Variants in OBI1 observed in about 807,000 individuals in gnomAD.
OBI1 encodes the protein ORC ubiquitin ligase 1.
OBI1 carries 59 observed loss-of-function variants against 62.4 expected under a neutral mutation model. The observed-to-expected ratio is 0.95, with a 90% CI of 0.77 to 1.17. The LOEUF (loss-of-function observed/expected upper bound fraction) is 1.17. Among genes scored for constraint, OBI1 ranks in the 50% most tolerant of loss-of-function variants. The pLI is 0.00. For synonymous variants in OBI1, 302 were observed against 292.8 expected (o/e 1.03, Z -0.32); for missense variants, 875 against 830.9 (o/e 1.05, Z -0.65).
At chr13:78,635,794 G>C (rs1593793621) in intron 4 of OBI1, among the ~76,000 whole-genome samples, 1 of 152,110 alleles carries the variant, frequency 6.6e-6, no homozygotes, top group South Asian at 2.1e-4. Context: ...AAAGAGTCTT[G>C]CTCAGTTGCC....
In OBI1 at chr13:78,630,585, G is replaced by A. The variant is rs146236595; in HGVS notation, c.638+4525C>T. ...AATATTTAAAGGTAAGGGCTTCTGG[G>A]GCCTATAGGTCAAAAGGTTCAAGCC... On this transcript the variant is annotated intron_variant, in intron 5 of 5. Transcript: ENST00000282003. Among the ~76,000 whole-genome samples the A allele has an allele frequency of 1.9e-3, 283 of 152,098 alleles. 1 individual carries two copies. The highest frequency in any genetic ancestry group is 3.4e-3 in the Non-Finnish European group (228 of 68,000).
At chr13:78,651,496 T>A (rs1310553231) in intron 1 of OBI1, among the ~76,000 whole-genome samples, 1 of 152,210 alleles carries the variant, frequency 6.6e-6, no homozygotes. Context: ...GGTCTACTTA[T>A]GTTCACCAAT....
chr13:78,615,350 C>G lies in OBI1; in HGVS notation c.*230G>C, dbSNP rs1032263577. 2 of 366,134 alleles carry G rather than the reference C, an allele frequency of 5.5e-6. No individual in the cohort carries two copies. Among genetic ancestry groups the G allele is most frequent in the Non-Finnish European group, 9.7e-6 (2 of 206,206 alleles). 22.7% of individuals were successfully genotyped at this position (366,134 alleles called of 1,614,324 possible). A position where few individuals can be genotyped will look rare whatever the true frequency, so the allele number is the denominator to read the frequency against. ...CCCCAAAACACAAAAATAACCTCCT[C>G]CCTAACTTCTCTGGTCACAAAGACT... On this transcript the variant is annotated 3_prime_UTR_variant, in exon 6 of 6. Coordinates refer to ENST00000282003, the MANE Select transcript of OBI1 (RefSeq NM_024546.4).
chr13:78,653,065 T>C (rs938846361), intron 1 of OBI1, among the ~76,000 whole-genome samples: 1 of 152,164 alleles, frequency 6.6e-6, no homozygotes, highest in Non-Finnish European at 1.5e-5. Context: ...TCCCCTTTCT[T>C]AAAAAAGCAA....
Position 78,635,998 on chromosome 13 carries a change from A to T in OBI1, c.550-800T>A, listed in dbSNP as rs551252079. ...GGCTGGTCTTGAACTTTTGGCCTCA[A>T]GTGATCCACCTGCCCCAGCCTCACA... is the stretch of plus-strand genomic sequence containing the variant. On this transcript the variant is annotated intron_variant, in intron 4 of 5. Transcript: ENST00000282003. Among the ~76,000 whole-genome samples the T allele has an allele frequency of 8.5e-5, 13 of 152,284 alleles. No individual in the cohort carries two copies. The East Asian group carries it at 2.5e-3, about 29-fold the overall frequency.
At chr13:78,648,121 G>T (rs996554554) in intron 1 of OBI1, among the ~76,000 whole-genome samples, 3 of 151,950 alleles carry the variant, frequency 2.0e-5, no homozygotes, top group African/African-American at 7.3e-5. Context: ...TTCTTTGCAG[G>T]TTCTATTTTT....
intron 5 of OBI1, among the ~76,000 whole-genome samples, chr13:78,634,080 CAAAAAACAAAAAACAAAA>C (rs1408509632): frequency 9.2e-6 from 1 of 109,174 alleles, no homozygotes; most frequent in African/African-American, 3.3e-5. Context: ...AAACAAAAAA[CAAAAAACAAAAAACAAAA>C]AAAAAAAACA....
At chr13:78,635,085 A>G (rs1875980060) in intron 5 of OBI1, 25 bp downstream of exon 5, 2 of 1,421,702 alleles carry the variant, frequency 1.4e-6, no homozygotes, top group East Asian at 4.6e-5. Flanking sequence ...AATCTGAAGC[A>G]TTGCTCTGGG....
chr13:78,632,149 C>G (rs1350349672), intron 5 of OBI1, among the ~76,000 whole-genome samples: 1 of 151,962 alleles, frequency 6.6e-6, no homozygotes, highest in Non-Finnish European at 1.5e-5. Context: ...CTTTAGGAAG[C>G]AATTAAGGCT....
At chr13:78,652,575 T>C (rs1593802400) in intron 1 of OBI1, among the ~76,000 whole-genome samples, 1 of 152,152 alleles carries the variant, frequency 6.6e-6, no homozygotes, top group Non-Finnish European at 1.5e-5. Flanking sequence ...TAAAGTGGTA[T>C]CCTAGGGAGC....
Position 78,615,495 on chromosome 13 carries a change from A to T in OBI1, c.*85T>A. 2 of 981,776 alleles carry T rather than the reference A, an allele frequency of 2.0e-6. No homozygotes were observed. The highest frequency in any genetic ancestry group is 3.0e-6 in the Non-Finnish European group (2 of 656,414). 60.8% of individuals were successfully genotyped at this position (981,776 alleles called of 1,614,324 possible). On this transcript the variant is annotated 3_prime_UTR_variant, in exon 6 of 6. Transcript: ENST00000282003. ...AAAGATTATCAATTCCAATTTGTAT[A>T]GAACTTTTATGAGGAAAAAAGGTAA...
chr13:78,644,929 C>T lies in OBI1; in HGVS notation c.141G>A (p.Lys47=). 4 of 1,613,880 alleles carry T rather than the reference C, an allele frequency of 2.5e-6. No homozygotes were observed. The highest frequency in any genetic ancestry group is 3.4e-6 in the Non-Finnish European group (4 of 1,179,886). Residue 47 remains lysine (K), a synonymous_variant, in exon 2 of 6, where the codon AAG becomes AAA. Transcript: ENST00000282003. Reference sequence around the variant, plus strand: ...TGCAAGCTGGACACTGGCTATTATTCTTCAACCACAAATCAATACAAATCG... The same window carrying T: ...TGCAAGCTGGACACTGGCTATTATTTTTCAACCACAAATCAATACAAATCG... ...FCSICIDLWL[K]NNSQCPACRV... is the part of the protein sequence containing the mutation.
chr13:78,652,357 C>G (rs12428547), intron 1 of OBI1, among the ~76,000 whole-genome samples: 4 of 150,162 alleles, frequency 2.7e-5, no homozygotes. Context: ...CTGGGTAGAA[C>G]AAAACACACA....
At chr13:78,626,208 T>C (rs1311934899) in intron 5 of OBI1, among the ~76,000 whole-genome samples, 1 of 152,238 alleles carries the variant, frequency 6.6e-6, no homozygotes, top group Non-Finnish European at 1.5e-5. Context: ...AGAAATCCTT[T>C]GCTCTAATGT....
intron 1 of OBI1, among the ~76,000 whole-genome samples, chr13:78,658,708 G>T (rs941341757): frequency 1.3e-5 from 2 of 152,160 alleles, no homozygotes; most frequent in African/African-American, 4.8e-5. Context: ...GGCTGCAGAG[G>T]GAAGTTAAAT....
chr13:78,652,060 A>G (rs1299441626), intron 1 of OBI1, among the ~76,000 whole-genome samples: 2 of 152,222 alleles, frequency 1.3e-5, no homozygotes, highest in African/African-American at 2.4e-5. Flanking sequence ...GTCATTAACA[A>G]TGTCACCCAC....
chr13:78,642,925 A>G (rs1876263006), intron 2 of OBI1, among the ~76,000 whole-genome samples: 1 of 152,198 alleles, frequency 6.6e-6, no homozygotes, highest in Non-Finnish European at 1.5e-5. Context: ...ACCTATGTAT[A>G]TAGATTAATG....
intron 2 of OBI1, among the ~76,000 whole-genome samples, chr13:78,642,744 G>A (rs1464009054): frequency 1.3e-5 from 2 of 152,124 alleles, no homozygotes; most frequent in Admixed American, 6.5e-5. Flanking sequence ...AAAATTAGCC[G>A]GGCGTGGTGG....
chr13:78,620,541 G>A, intron 5 of OBI1: 1 of 451,442 alleles, frequency 2.2e-6, no homozygotes, highest in Non-Finnish European at 4.4e-6. Flanking sequence ...TATCGGAACT[G>A]TATTCTGCCA....
Sources: allele counts gnomAD v4.1 joint callset (sites outside exome capture counted in the v4.1 genomes callset), GRCh38; gene constraint gnomAD v4.1.1; transcripts MANE v1.5; gene names NCBI Gene and HGNC (gene_info 2026-07-23, HGNC 2026-07-21).